CD36: variants seen among roughly 807,000 people sequenced by gnomAD.
CD36 encodes the protein CD36 molecule (CD36 blood group).
A neutral mutation model predicts 55.2 loss-of-function variants in CD36; 119 were observed. That is an observed-to-expected ratio of 2.15 (90% CI 1.86 to 2.51). The LOEUF is 2.51. CD36 is among the 30% of genes most tolerant of loss of function. The pLI, the probability that CD36 is intolerant of heterozygous loss-of-function variation, is 0.00. For synonymous variants in CD36, 186 were observed against 193.6 expected, an observed-to-expected ratio of 0.96 and a Z score of 0.33; for missense variants, 819 against 555.5, an observed-to-expected ratio of 1.47 and a Z score of -4.77.
chr7:80,607,474 G>C (rs771233459), intron 1 of CD36, among the ~76,000 whole-genome samples: 1 of 152,062 alleles, frequency 6.6e-6, no homozygotes, highest in Non-Finnish European at 1.5e-5. Flanking sequence ...AAGATCTACT[G>C]ATTTTTTACA....
chr7:80,619,701 T>C (rs1370555092), intron 1 of CD36, among the ~76,000 whole-genome samples: 1 of 149,890 alleles, frequency 6.7e-6, no homozygotes, highest in Non-Finnish European at 1.5e-5. Flanking sequence ...GTAATTCATG[T>C]GATGGATCTG....
intron 1 of CD36, among the ~76,000 whole-genome samples, chr7:80,625,580 G>T (rs1562777233): frequency 6.6e-6 from 1 of 152,086 alleles, no homozygotes; most frequent in Non-Finnish European, 1.5e-5. Context: ...CATTTGGATG[G>T]CTAGTATTGT....
chr7:80,673,756 T>TGATAGTTCTGAAGAGC (rs1797964382), intron 13 of CD36: 1 of 584,188 alleles, frequency 1.7e-6, no homozygotes, highest in Non-Finnish European at 3.0e-6. Flanking sequence ...GTTGACCCTT[T>TGATAGTTCTGAAGAGC]GATAGTTCTG....
At chr7:80,618,207 C>T (rs771639118) in intron 1 of CD36, among the ~76,000 whole-genome samples, 31 of 152,220 alleles carry the variant, frequency 2.0e-4, no homozygotes, top group Non-Finnish European at 3.4e-4. Context: ...GCTAACCTCA[C>T]AGAGCATCAT....
At chr7:80,627,224 C>T (rs1429441981) in intron 1 of CD36, among the ~76,000 whole-genome samples, 1 of 152,022 alleles carries the variant, frequency 6.6e-6, no homozygotes, top group Non-Finnish European at 1.5e-5. Flanking sequence ...TTATCCATTG[C>T]CTTGTAATTC....
intron 13 of CD36, 195 bp from the exon 14 acceptor site, chr7:80,673,788 C>T (rs1797967912): frequency 1.6e-6 from 1 of 610,720 alleles, no homozygotes; most frequent in South Asian, 1.9e-5. Context: ...AATCCTAGTA[C>T]ATTGAAGAGT....
upstream of CD36, among the ~76,000 whole-genome samples, chr7:80,634,608 G>A (rs573265817): frequency 3.9e-4 from 60 of 152,040 alleles, no homozygotes; most frequent in African/African-American, 9.4e-4. Flanking sequence ...AATCACACGG[G>A]CCATGTGATT....
intron 5 of CD36, among the ~76,000 whole-genome samples, chr7:80,661,624 C>T (rs956347965): frequency 3.9e-5 from 6 of 152,152 alleles, no homozygotes; most frequent in African/African-American, 9.6e-5. Context: ...TAAACCATTC[C>T]GAGCTTTCCA....
At chr7:80,648,249 A>G (rs1014234763) in intron 3 of CD36, among the ~76,000 whole-genome samples, 2 of 152,070 alleles carry the variant, frequency 1.3e-5, no homozygotes, top group Non-Finnish European at 1.5e-5. Context: ...CTCATAAACT[A>G]TGTTCTCACC....
chr7:80,617,392 AT>A (rs200134497), intron 1 of CD36, among the ~76,000 whole-genome samples: 2,003 of 152,150 alleles, frequency 0.013, 42 homozygotes, highest in African/African-American at 0.046. Flanking sequence ...TAAAAAAAAA[AT>A]AAAATATATG....
At chr7:80,602,829 G>GA (rs1792316805) in intron 1 of CD36, among the ~76,000 whole-genome samples, 1 of 152,002 alleles carries the variant, frequency 6.6e-6, no homozygotes, top group South Asian at 2.1e-4. Flanking sequence ...TTCCAACTTG[G>GA]AAAAAATATG....
rs67213422 is a variant in CD36 at position 80,604,350 on chromosome 7, A to ATTTTTTTTTTTTTTTTTTTTTTTTTT, written c.-184+1986_-184+2011dup. ...TACAGTAATTGGCTAAGCCACTGGA[A>ATTTTTTTTTTTTTTTTTTTTTTTTTT]TTTTTTTTTTTTTTTTTTTTTTTTT... On this transcript the variant is annotated intron_variant, in intron 1 of 13. Coordinates refer to the CD36 transcript ENST00000309881. Among the ~76,000 whole-genome samples, 5 of 54,296 alleles carry ATTTTTTTTTTTTTTTTTTTTTTTTTT rather than the reference A, an allele frequency of 9.2e-5. 1 individual carries two copies. Among genetic ancestry groups the ATTTTTTTTTTTTTTTTTTTTTTTTTT allele is most frequent in the Admixed American group, 5.5e-4 (2 of 3,604 alleles). The allele number at this position is 54,296 out of a possible 152,430, so 35.6% of individuals were successfully genotyped here.
intron 13 of CD36, 103 bp from the exon 14 acceptor site, chr7:80,673,880 T>TAACA (rs1038675948): frequency 5.9e-6 from 5 of 848,956 alleles, no homozygotes; most frequent in East Asian, 2.6e-5. Flanking sequence ...TACTGATGAC[T>TAACA]AACACCAATA....
Position 80,662,979 on chromosome 7 carries a change from T to C in CD36, c.430-11T>C, listed in dbSNP as rs758101980. 153 of 1,603,614 alleles carry C rather than the reference T, an allele frequency of 9.5e-5. No individual in the cohort carries two copies. The highest frequency in any genetic ancestry group is 1.7e-4 in the Middle Eastern group (1 of 5,764). On this transcript the variant is annotated splice_polypyrimidine_tract_variant and intron_variant, in intron 5 of 14. Transcript: ENST00000447544. ...GTATTCTTGTCTTAAACAGTGACTT[T>C]GTTTTTGTAGGCTGCATCCCATATC... is the stretch of plus-strand genomic sequence containing the variant.
At chr7:80,666,856 T>C (rs1797139831) in intron 8 of CD36, among the ~76,000 whole-genome samples, 1 of 152,076 alleles carries the variant, frequency 6.6e-6, no homozygotes, top group South Asian at 2.1e-4. Context: ...ATTGAAAGAA[T>C]TAAAAAAAGC....
At chr7:80,615,093 ATTCCC>A (rs1351905108) in intron 1 of CD36, among the ~76,000 whole-genome samples, 1 of 152,114 alleles carries the variant, frequency 6.6e-6, no homozygotes, top group East Asian at 1.9e-4. Flanking sequence ...CTGCAAGCAC[ATTCCC>A]GTTAATCCAA....
intron 1 of CD36, among the ~76,000 whole-genome samples, chr7:80,619,501 G>A (rs749242074): frequency 5.3e-5 from 8 of 151,904 alleles, no homozygotes; most frequent in Admixed American, 2.6e-4. Flanking sequence ...ACAAAAATTA[G>A]CCAGGCATGA....
chr7:80,616,818 G>A lies in CD36; in HGVS notation c.-184+14439G>A, dbSNP rs200200072. ...CCTACAAGTGCAAAGTGGCTACGGCGATTGTAAGGATCATGTCTTTATATA... is the reference window on the plus strand; with the variant it reads ...CCTACAAGTGCAAAGTGGCTACGGCAATTGTAAGGATCATGTCTTTATATA... On this transcript the variant is annotated intron_variant, in intron 1 of 13. Transcript: ENST00000309881. Among the ~76,000 whole-genome samples, 14 of 152,196 alleles carry A rather than the reference G, an allele frequency of 9.2e-5. No homozygotes were observed. The East Asian group carries it at 9.7e-4, about 11-fold the overall frequency.
chr7:80,610,723 C>T (rs529173273), intron 1 of CD36, among the ~76,000 whole-genome samples: 4 of 152,070 alleles, frequency 2.6e-5, no homozygotes, highest in South Asian at 2.1e-4. Context: ...TACAGGCGCC[C>T]GCCACCACGC....
Sources: gnomAD v4.1 joint callset for allele counts (sites outside exome capture counted in the v4.1 genomes callset) on GRCh38, gnomAD v4.1.1 for gene constraint, MANE v1.5 for transcripts, NCBI Gene and HGNC (gene_info 2026-07-23, HGNC 2026-07-21) for gene names.